The following FHL5 variants were observed in gnomAD, a reference collection of about 807,000 sequenced individuals.
FHL5 encodes the protein four and a half LIM domains 5.
FHL5 carries 33 observed loss-of-function variants against 32.0 expected under a neutral mutation model. That is an observed-to-expected ratio of 1.03 (90% CI 0.78 to 1.38). The LOEUF is 1.38. FHL5 is among the 40% of genes most tolerant of loss of function. FHL5 has a pLI of 0.00. For missense variants in FHL5, 336 were observed against 343.9 expected (o/e 0.98, Z 0.18); for synonymous variants, 114 against 113.6 (o/e 1.00, Z -0.02).
At chr6:96,566,122 T>A (rs576485088) in intron 1 of FHL5, among the ~76,000 whole-genome samples, 2 of 152,082 alleles carry the variant, frequency 1.3e-5, no homozygotes, top group Non-Finnish European at 2.9e-5. Context: ...GTATTTTGTA[T>A]TTCTTAACCT....
At chr6:96,596,126 A>C (rs1164399722) in intron 1 of FHL5, among the ~76,000 whole-genome samples, 3 of 152,042 alleles carry the variant, frequency 2.0e-5, no homozygotes, top group Admixed American at 1.3e-4. Flanking sequence ...TAGACCTTAC[A>C]GTTAGTATAA....
chr6:96,566,596 C>CAT (rs1368874891), intron 1 of FHL5, among the ~76,000 whole-genome samples: 1 of 151,802 alleles, frequency 6.6e-6, no homozygotes, highest in Non-Finnish European at 1.5e-5. Flanking sequence ...CCATAATGGG[C>CAT]ATATATATGC....
At chr6:96,611,928 G>A (rs999787874) in intron 5 of FHL5, among the ~76,000 whole-genome samples, 5 of 152,164 alleles carry the variant, frequency 3.3e-5, no homozygotes, top group African/African-American at 1.2e-4. Context: ...AACATGTTTG[G>A]AAATAACTAA....
chr6:96,610,712 C>T lies in FHL5; in HGVS notation c.645C>T (p.Asn215=). ...ATCCATTCTGCGTGGACTGCTACAA[C>T]CATCTTTATGCCAACAAGTGTGTAG... ...DDYPFCVDCY[N]HLYANKCVAC... is the part of the protein sequence containing the mutation. Residue 215 remains asparagine (N), a synonymous_variant, in exon 5 of 6, where the codon AAC becomes AAT. Coordinates refer to ENST00000450218, the MANE Select transcript of FHL5 (RefSeq NM_001322466.2). The T allele has an allele frequency of 6.2e-7, 1 of 1,613,896 alleles. No individual in the cohort carries two copies. The highest frequency in any genetic ancestry group is 8.5e-7 in the Non-Finnish European group (1 of 1,179,792).
intron 2 of FHL5, 141 bp from the exon 3 acceptor site, chr6:96,604,609 A>G: frequency 1.9e-6 from 1 of 539,264 alleles, no homozygotes; most frequent in South Asian, 3.8e-5. Context: ...CTCTATGGGT[A>G]ACAGTTTCAG....
rs1458044511 is a variant in FHL5, at chr6:96,618,427, ACT to A, written c.*2658_*2659del. ...AGAGTCAGAGGAAGGGAGAATATTA[ACT>A]CTTAGGATAAAAAGTGACATAACCG... On this transcript the variant is annotated 3_prime_UTR_variant, in exon 6 of 6. Transcript: ENST00000450218. 6.6e-6 allele frequency among the ~76,000 whole-genome samples: 1 copy of A among 152,312 alleles called. No homozygotes were observed. The highest frequency in any genetic ancestry group is 2.4e-5 in the African/African-American group (1 of 41,562).
At chr6:96,614,080 A>G (rs1771467203) in intron 5 of FHL5, among the ~76,000 whole-genome samples, 1 of 152,218 alleles carries the variant, frequency 6.6e-6, no homozygotes. Context: ...CAGTTTACAT[A>G]CATCTCACAT....
rs1771536325 is a variant in FHL5 at position 96,617,007 on chromosome 6, A to C, written c.*1235A>C. ...AACCAGGAGGTGCACTCCTAACCCTAAGCAACTGTCCTATAAGTCAGTCAG... is the reference window on the plus strand; with the variant it reads ...AACCAGGAGGTGCACTCCTAACCCTCAGCAACTGTCCTATAAGTCAGTCAG... On this transcript the variant is annotated 3_prime_UTR_variant, in exon 6 of 6. Transcript: ENST00000450218. Among the ~76,000 whole-genome samples the C allele has an allele frequency of 6.6e-6, 1 of 151,880 alleles. No individual in the cohort carries two copies. Among genetic ancestry groups the C allele is most frequent in the Non-Finnish European group, 1.5e-5 (1 of 67,984 alleles).
In FHL5 at chr6:96,615,953, GA is replaced by G; in HGVS notation, c.*184del. On this transcript the variant is annotated 3_prime_UTR_variant, in exon 6 of 6. Transcript: ENST00000450218. ...AGCACACAAAAAGCACAGTAGAACA[GA>G]AATGAATATATGCTAAATCACAAAG... The G allele has an allele frequency of 2.2e-6, 1 of 462,662 alleles. No homozygotes were observed. The highest frequency in any genetic ancestry group is 3.5e-5 in the East Asian group (1 of 28,338). The allele number at this position is 462,662 out of a possible 1,614,324, so 28.7% of individuals were successfully genotyped here.
At chr6:96,592,304 G>A (rs1000774396) in intron 1 of FHL5, among the ~76,000 whole-genome samples, 12 of 152,158 alleles carry the variant, frequency 7.9e-5, no homozygotes, top group African/African-American at 2.9e-4. Flanking sequence ...GTTCCTTGCT[G>A]AGAAAAAGAA....
rs377623187 is a variant in FHL5 at position 96,602,983 on chromosome 6, CAG to C, written c.-12-615_-12-614del. On this transcript the variant is annotated intron_variant, in intron 1 of 5. Coordinates refer to ENST00000450218, the MANE Select transcript of FHL5 (RefSeq NM_001322466.2). ...GAAGATATCTAAAGCTAGCAGAAAACAGAGATTTTGGAGTCATCAGCACATTT... is the reference window on the plus strand; with the variant it reads ...GAAGATATCTAAAGCTAGCAGAAAACAGATTTTGGAGTCATCAGCACATTT... Among the ~76,000 whole-genome samples the C allele has an allele frequency of 1.1e-3, 167 of 152,216 alleles. 2 individuals are homozygous for C. The East Asian group carries it at 0.025, about 23-fold the overall frequency.
In FHL5 at chr6:96,616,451, A is replaced by G. The variant is rs1771523382; in HGVS notation, c.*679A>G. On this transcript the variant is annotated 3_prime_UTR_variant, in exon 6 of 6. Coordinates refer to ENST00000450218, the MANE Select transcript of FHL5 (RefSeq NM_001322466.2). ...CATAGGTATAAAGAGGATCATTTCT[A>G]CCTAGGGATAGCCAAAGCATGGGTT... 6.6e-6 allele frequency: 1 copy of G among 152,172 alleles called. No homozygotes were observed. The highest frequency in any genetic ancestry group is 6.5e-5 in the Admixed American group (1 of 15,286). The allele number at this position is 152,172 out of a possible 1,614,324, so 9.4% of individuals were successfully genotyped here. A position where few individuals can be genotyped will look rare whatever the true frequency, so the allele number is the denominator to read the frequency against.
At chr6:96,578,841 C>CA (rs889145391) in intron 1 of FHL5, among the ~76,000 whole-genome samples, 13 of 147,864 alleles carry the variant, frequency 8.8e-5, no homozygotes, top group South Asian at 6.4e-4. Context: ...GACCCTGTCT[C>CA]AAAAAAAAAT....
intron 1 of FHL5, among the ~76,000 whole-genome samples, chr6:96,601,145 C>G (rs1453737484): frequency 1.3e-5 from 2 of 151,924 alleles, no homozygotes; most frequent in Non-Finnish European, 2.9e-5. Context: ...ACCATCCTGG[C>G]CAACACGGTA....
chr6:96,600,229 A>G (rs1191178793), intron 1 of FHL5, among the ~76,000 whole-genome samples: 2 of 152,194 alleles, frequency 1.3e-5, no homozygotes, highest in Non-Finnish European at 2.9e-5. Context: ...AAAGCTTGTT[A>G]CTCAATTCTG....
intron 3 of FHL5, 133 bp from the exon 4 acceptor site, chr6:96,605,769 A>T (rs903336385): frequency 6.5e-6 from 5 of 769,804 alleles, no homozygotes; most frequent in Non-Finnish European, 7.9e-6. Flanking sequence ...ACCTGAAAAA[A>T]TACTATTTTT....
intron 1 of FHL5, among the ~76,000 whole-genome samples, chr6:96,580,508 G>C (rs1168221242): frequency 6.6e-6 from 1 of 152,068 alleles, no homozygotes; most frequent in African/African-American, 2.4e-5. Flanking sequence ...TGCCCTTATG[G>C]ACCTCAGAAT....
intron 1 of FHL5, among the ~76,000 whole-genome samples, chr6:96,596,518 T>A (rs968294547): frequency 5.9e-5 from 9 of 152,096 alleles, no homozygotes; most frequent in Middle Eastern, 3.2e-3. Context: ...TAGTTCTCAT[T>A]TCTTTTGTCT....
intron 2 of FHL5, among the ~76,000 whole-genome samples, chr6:96,604,406 A>G (rs981047010): frequency 1.8e-4 from 27 of 151,642 alleles, no homozygotes; most frequent in African/African-American, 6.3e-4. Flanking sequence ...TTACATCTCA[A>G]AGAGTAATAG....
Sources: allele counts gnomAD v4.1 joint callset (sites outside exome capture counted in the v4.1 genomes callset), GRCh38; gene constraint gnomAD v4.1.1; transcripts MANE v1.5; gene names NCBI Gene and HGNC (gene_info 2026-07-23, HGNC 2026-07-21).